Variants in ERGIC1 observed in about 807,000 individuals in gnomAD.
The protein encoded by ERGIC1 is endoplasmic reticulum-Golgi intermediate compartment protein 1.
In ERGIC1, 19 loss-of-function variants were observed where a neutral mutation model predicts 38.3. The observed-to-expected ratio is 0.50, with a 90% CI of 0.35 to 0.73. The LOEUF is 0.73. Ranked by LOEUF, ERGIC1 falls within the 30% of genes least tolerant of loss-of-function variation. The probability of loss-of-function intolerance (pLI) is 0.01; values close to 1 mark genes in which losing one functional copy is unlikely to be tolerated. For missense variants in ERGIC1, 294 were observed against 389.2 expected, an observed-to-expected ratio of 0.76 and a Z score of 2.06; for synonymous variants, 124 against 157.6, an observed-to-expected ratio of 0.79 and a Z score of 1.60.
chr5:172,877,602 C>A (rs1240538964), intron 1 of ERGIC1, among the ~76,000 whole-genome samples: 1 of 117,218 alleles, frequency 8.5e-6, no homozygotes, highest in Non-Finnish European at 2.1e-5. Context: ...TAAAATGTAA[C>A]AGAATGCAGC....
At chr5:172,896,372 C>T (rs781132266) in intron 2 of ERGIC1, among the ~76,000 whole-genome samples, 4 of 152,174 alleles carry the variant, frequency 2.6e-5, no homozygotes, top group Non-Finnish European at 5.9e-5. Flanking sequence ...CCATTCTTCA[C>T]TTCCATAAAG....
rs1763479891 is a variant in ERGIC1, at chr5:172,920,388, A to G, written c.376-3617A>G. 3 of 717,820 alleles carry G rather than the reference A, an allele frequency of 4.2e-6. No individual in the cohort carries two copies. The African/African-American group carries it at 5.2e-5, about 13-fold the overall frequency. The allele number at this position is 717,820 out of a possible 1,614,324, so 44.5% of individuals were successfully genotyped here. ...GGAAGTTGACCAGCAGCCAGATGTC[A>G]GAGTTTGCGTGTTTTGAGCAGCAGC... On this transcript the variant is annotated intron_variant, in intron 5 of 9. Coordinates refer to ENST00000393784, the MANE Select transcript of ERGIC1 (RefSeq NM_001031711.3).
intron 5 of ERGIC1, chr5:172,922,043 CAG>C (rs1763533090): frequency 6.6e-6 from 1 of 152,482 alleles, no homozygotes; most frequent in African/African-American, 2.4e-5. Context: ...GTCTGTGTCA[CAG>C]GGGCTTGGCC....
At chr5:172,870,767 C>T (rs1315386470) in intron 1 of ERGIC1, among the ~76,000 whole-genome samples, 6 of 152,194 alleles carry the variant, frequency 3.9e-5, no homozygotes, top group Admixed American at 1.3e-4. Flanking sequence ...CCTTCCTCCC[C>T]GCCTGCCTGC....
intron 1 of ERGIC1, among the ~76,000 whole-genome samples, chr5:172,873,294 C>A (rs957318680): frequency 2.0e-5 from 3 of 152,250 alleles, no homozygotes; most frequent in Non-Finnish European, 2.9e-5. Flanking sequence ...CTTGCTCCCC[C>A]CAGCCCAGCA....
At chr5:172,856,643 C>T (rs1761556003) in intron 1 of ERGIC1, among the ~76,000 whole-genome samples, 1 of 152,130 alleles carries the variant, frequency 6.6e-6, no homozygotes, top group South Asian at 2.1e-4. Context: ...AAAATAAGAT[C>T]AAGTGAATGT....
chr5:172,884,315 C>A (rs1203830941), intron 1 of ERGIC1, among the ~76,000 whole-genome samples: 1 of 147,152 alleles, frequency 6.8e-6, no homozygotes, highest in Non-Finnish European at 1.5e-5. Flanking sequence ...GTGCAAGGCT[C>A]ACCATAGCAT....
intron 1 of ERGIC1, among the ~76,000 whole-genome samples, chr5:172,872,142 G>C (rs1762030707): frequency 6.6e-6 from 1 of 152,104 alleles, no homozygotes; most frequent in South Asian, 2.1e-4. Flanking sequence ...CCACGAGATA[G>C]AGTAACCTCG....
chr5:172,860,007 G>A (rs1761656244), intron 1 of ERGIC1, among the ~76,000 whole-genome samples: 1 of 152,226 alleles, frequency 6.6e-6, no homozygotes, highest in African/African-American at 2.4e-5. Context: ...GAAAGTACTT[G>A]TCCTGAGTAA....
chr5:172,905,804 G>A (rs1479609669), intron 3 of ERGIC1, among the ~76,000 whole-genome samples: 2 of 152,182 alleles, frequency 1.3e-5, no homozygotes, highest in African/African-American at 4.8e-5. Context: ...CCCATACAAA[G>A]GAGGGACCAA....
intron 1 of ERGIC1, among the ~76,000 whole-genome samples, chr5:172,881,330 G>A (rs1264168505): frequency 2.6e-5 from 4 of 152,182 alleles, no homozygotes; most frequent in Non-Finnish European, 5.9e-5. Context: ...TGTACTCACC[G>A]CCCAGCTTCA....
intron 1 of ERGIC1, among the ~76,000 whole-genome samples, chr5:172,854,472 A>G (rs1761492008): frequency 6.6e-6 from 1 of 152,278 alleles, no homozygotes; most frequent in African/African-American, 2.4e-5. Context: ...GGCTGGGGCC[A>G]CTGTCTGTTG....
intron 9 of ERGIC1, among the ~76,000 whole-genome samples, chr5:172,940,753 T>C (rs1160621967): frequency 6.6e-6 from 1 of 152,106 alleles, no homozygotes; most frequent in African/African-American, 2.4e-5. Context: ...TTAACCTGGG[T>C]ATGAGGGAGA....
At chr5:172,875,486 C>A (rs1033889691) in intron 1 of ERGIC1, among the ~76,000 whole-genome samples, 1 of 152,028 alleles carries the variant, frequency 6.6e-6, no homozygotes, top group Non-Finnish European at 1.5e-5. Context: ...TGCTTATTAT[C>A]ATCAGTCAGA....
chr5:172,916,433 G>C (rs1363176132), intron 5 of ERGIC1: 1 of 152,190 alleles, frequency 6.6e-6, no homozygotes, highest in Non-Finnish European at 1.5e-5. Context: ...AGCCATTTGA[G>C]GGTTTTGAAC....
intron 5 of ERGIC1, among the ~76,000 whole-genome samples, chr5:172,918,588 CCAGGCTCAGGAAGG>C (rs1682540399): frequency 1.3e-5 from 2 of 152,258 alleles, no homozygotes; most frequent in Non-Finnish European, 2.9e-5. Context: ...GCTGGCGCTA[CCAGGCTCAGGAAGG>C]CAGGCTTGGA....
intron 4 of ERGIC1, 43 bp from the exon 5 acceptor site, chr5:172,914,671 C>T (rs748467812): frequency 5.6e-6 from 9 of 1,613,690 alleles, no homozygotes; most frequent in East Asian, 2.2e-5. Context: ...CATCCTCCCG[C>T]GTCTCTGGGT....
chr5:172,877,100 G>A (rs1412473357), intron 1 of ERGIC1, among the ~76,000 whole-genome samples: 1 of 152,134 alleles, frequency 6.6e-6, no homozygotes, highest in Non-Finnish European at 1.5e-5. Flanking sequence ...CTGGACATCA[G>A]ATCCAAATTT....
intron 9 of ERGIC1, among the ~76,000 whole-genome samples, chr5:172,947,501 T>G (rs1422547120): frequency 6.6e-6 from 1 of 152,172 alleles, no homozygotes; most frequent in Admixed American, 6.5e-5. Flanking sequence ...GAAACCCCCC[T>G]GGAATGTGTG....
Sources: allele counts gnomAD v4.1 joint callset (sites outside exome capture counted in the v4.1 genomes callset), GRCh38; gene constraint gnomAD v4.1.1; transcripts MANE v1.5; gene names NCBI Gene and HGNC (gene_info 2026-07-23, HGNC 2026-07-21).